Variants in C17orf67 observed in about 807,000 individuals in gnomAD.
C17orf67 encodes the protein uncharacterized protein C17orf67.
Under a neutral mutation model 11.2 loss-of-function variants are expected in C17orf67, and 12 were observed. That is an observed-to-expected ratio of 1.07 (90% confidence interval 0.68 to 1.73). The LOEUF (loss-of-function observed/expected upper bound fraction) is 1.73, where lower values mean the gene tolerates loss of function less well. Ranked by LOEUF, C17orf67 falls within the 40% of genes most tolerant of loss-of-function variation. C17orf67 has a pLI of 0.00. For synonymous variants in C17orf67, 59 were observed against 46.9 expected, an observed-to-expected ratio of 1.26 and a Z score of -1.05; for missense variants, 115 against 113.5, an observed-to-expected ratio of 1.01 and a Z score of -0.06.
In C17orf67 at chr17:56,800,720, T is replaced by G. The variant is rs560756721; in HGVS notation, c.157-5540A>C. ...CTCTAGGAAGCCTTCTCAGATTCCC[T>G]GTGACCCCACTTCTCTGGGTCTCCA... On this transcript the variant is annotated intron_variant, in intron 6 of 7. Transcript: ENST00000397861. Among the ~76,000 whole-genome samples, 129 of 152,350 alleles carry G rather than the reference T, an allele frequency of 8.5e-4. 2 individuals are homozygous for G. Among genetic ancestry groups the G allele is most frequent in the Middle Eastern group, 6.8e-3 (2 of 294 alleles).
chr17:56,805,161 C>A (rs1905414878), intron 6 of C17orf67, among the ~76,000 whole-genome samples: 1 of 152,190 alleles, frequency 6.6e-6, no homozygotes, highest in South Asian at 2.1e-4. Context: ...AATTGCTATG[C>A]TAGCGGGACG....
At chr17:56,805,971 C>CCT (rs761610110) in intron 6 of C17orf67, among the ~76,000 whole-genome samples, 1 of 98,018 alleles carries the variant, frequency 1.0e-5, no homozygotes, top group African/African-American at 4.0e-5. Flanking sequence ...GTTGATTTTC[C>CCT]TTTTTTTTTT....
intron 2 of C17orf67, among the ~76,000 whole-genome samples, chr17:56,825,719 C>T (rs991830453): frequency 2.0e-5 from 3 of 151,762 alleles, no homozygotes; most frequent in Non-Finnish European, 4.4e-5. Context: ...TTTTTAATAA[C>T]ATATAAAAGT....
chr17:56,826,047 T>C (rs1336498178), intron 2 of C17orf67, among the ~76,000 whole-genome samples: 14 of 152,276 alleles, frequency 9.2e-5, no homozygotes, highest in Admixed American at 8.5e-4. Flanking sequence ...CTCCACCTCC[T>C]GAACTCATGT....
At chr17:56,796,437 A>G (rs1273258851) in intron 6 of C17orf67, among the ~76,000 whole-genome samples, 1 of 152,216 alleles carries the variant, frequency 6.6e-6, no homozygotes, top group Non-Finnish European at 1.5e-5. Flanking sequence ...GACAGAAGCC[A>G]CTTAGGACAC....
intron 6 of C17orf67, among the ~76,000 whole-genome samples, chr17:56,814,089 G>A (rs1435157794): frequency 6.6e-6 from 1 of 152,206 alleles, no homozygotes; most frequent in African/African-American, 2.4e-5. Flanking sequence ...AGCTCCTTCT[G>A]AGCCTCAACA....
At chr17:56,826,382 G>A (rs1906032670) in intron 2 of C17orf67, among the ~76,000 whole-genome samples, 1 of 152,228 alleles carries the variant, frequency 6.6e-6, no homozygotes, top group Middle Eastern at 3.2e-3. Flanking sequence ...TGAAGCAGAA[G>A]TTATGCTTTA....
In C17orf67 at chr17:56,825,960, T is replaced by C. The variant is rs200287615; in HGVS notation, c.-556-639A>G. On this transcript the variant is annotated intron_variant, in intron 2 of 7. Transcript: ENST00000397861. ...AAACCTGTGAGTGTGTGTGTGTGTGTGCACGCGTGTGTGTGACGGAGTCTC... is the reference window on the plus strand; with the variant it reads ...AAACCTGTGAGTGTGTGTGTGTGTGCGCACGCGTGTGTGTGACGGAGTCTC... 1.8e-3 allele frequency among the ~76,000 whole-genome samples: 270 copies of C among 151,080 alleles called. 1 individual carries two copies. The highest frequency in any genetic ancestry group is 5.5e-3 in the African/African-American group (224 of 40,992).
chr17:56,815,593 T>C (rs1487573974), intron 5 of C17orf67, among the ~76,000 whole-genome samples, 163 bp downstream of exon 5: 2 of 152,174 alleles, frequency 1.3e-5, no homozygotes, highest in Non-Finnish European at 2.9e-5. Flanking sequence ...TCTTTAATGA[T>C]AAAAATTCTG....
At chr17:56,821,956 G>T (rs996008465) in intron 4 of C17orf67, among the ~76,000 whole-genome samples, 11 of 152,172 alleles carry the variant, frequency 7.2e-5, no homozygotes, top group Admixed American at 3.3e-4. Context: ...CCCCCCGTTG[G>T]CTACTGCCCC....
chr17:56,818,472 C>T (rs1226870851), intron 4 of C17orf67, among the ~76,000 whole-genome samples: 4 of 152,046 alleles, frequency 2.6e-5, no homozygotes, highest in Non-Finnish European at 5.9e-5. Context: ...CTGCAGTGAG[C>T]AATGATTATG....
intron 6 of C17orf67, among the ~76,000 whole-genome samples, chr17:56,796,726 G>A (rs1471352569): frequency 6.6e-6 from 1 of 151,980 alleles, no homozygotes; most frequent in South Asian, 2.1e-4. Context: ...ACTTCCCTAG[G>A]TCAGGTCTTC....
chr17:56,810,068 A>C, intron 6 of C17orf67, among the ~76,000 whole-genome samples: 2 of 74,402 alleles, frequency 2.7e-5, no homozygotes, highest in African/African-American at 9.5e-5. Context: ...CACCCCTCAC[A>C]CTTCTGACAC....
chr17:56,798,065 T>G (rs911733954), intron 6 of C17orf67, among the ~76,000 whole-genome samples: 2 of 152,154 alleles, frequency 1.3e-5, no homozygotes, highest in Non-Finnish European at 2.9e-5. Flanking sequence ...TCATCATATC[T>G]CTCTTCATGG....
chr17:56,808,497 G>A (rs1017972126), intron 6 of C17orf67, among the ~76,000 whole-genome samples: 1 of 152,020 alleles, frequency 6.6e-6, no homozygotes, highest in African/African-American at 2.4e-5. Flanking sequence ...GTCTCCCTCT[G>A]ATCTCCCTCT....
At chr17:56,823,707 G>T (rs1905960313) in intron 4 of C17orf67, among the ~76,000 whole-genome samples, 1 of 152,054 alleles carries the variant, frequency 6.6e-6, no homozygotes, top group South Asian at 2.1e-4. Context: ...TAAAAGACAG[G>T]ACATTTACCT....
chr17:56,812,570 G>A (rs1300810504), intron 6 of C17orf67, among the ~76,000 whole-genome samples: 2 of 152,132 alleles, frequency 1.3e-5, no homozygotes, highest in East Asian at 3.8e-4. Context: ...TGGATGAAGT[G>A]TCTCTGAGAG....
At chr17:56,802,559 C>A (rs144173102) in intron 6 of C17orf67, among the ~76,000 whole-genome samples, 2 of 152,190 alleles carry the variant, frequency 1.3e-5, no homozygotes, top group African/African-American at 2.4e-5. Context: ...ATCCTGCCCA[C>A]GCCTTTGTAA....
chr17:56,814,587 G>A (rs1905709773), intron 6 of C17orf67, among the ~76,000 whole-genome samples: 1 of 152,296 alleles, frequency 6.6e-6, no homozygotes, highest in Admixed American at 6.5e-5. Flanking sequence ...CCAGCAAGCA[G>A]GACAGGGGTG....
Sources: gnomAD v4.1 joint callset for allele counts (sites outside exome capture counted in the v4.1 genomes callset) on GRCh38, gnomAD v4.1.1 for gene constraint, MANE v1.5 for transcripts, NCBI Gene and HGNC (gene_info 2026-07-23, HGNC 2026-07-21) for gene names.